The following CCSER1 variants were observed in gnomAD, a reference collection of about 807,000 sequenced individuals.
CCSER1 encodes coiled-coil serine rich protein 1.
Under a neutral mutation model 82.0 loss-of-function variants are expected in CCSER1, and 41 were observed. The ratio of observed to expected loss-of-function variants is 0.50; its 90% CI spans 0.39 to 0.65. The LOEUF is 0.65. Among genes scored for constraint, CCSER1 ranks in the 30% least tolerant of loss-of-function variants. The pLI is 0.00. For synonymous variants in CCSER1, 414 were observed against 383.9 expected (o/e 1.08, Z -0.92); for missense variants, 1,119 against 1,064.2 (o/e 1.05, Z -0.72).
intron 10 of CCSER1, among the ~76,000 whole-genome samples, chr4:91,095,082 A>T (rs115481208): frequency 0.025 from 3,813 of 152,224 alleles, 55 homozygotes; most frequent in Middle Eastern, 0.065. Flanking sequence ...GGTGGTTACT[A>T]CTGAGTGTCC....
At chr4:91,314,461 G>A (rs1745693670) in intron 10 of CCSER1, among the ~76,000 whole-genome samples, 1 of 151,920 alleles carries the variant, frequency 6.6e-6, no homozygotes, top group African/African-American at 2.4e-5. Flanking sequence ...CAGTTGATTA[G>A]AAAACCAATT....
At chr4:91,323,900 C>T (rs1029693082) in intron 10 of CCSER1, among the ~76,000 whole-genome samples, 4 of 152,170 alleles carry the variant, frequency 2.6e-5, no homozygotes, top group Admixed American at 1.3e-4. Context: ...GTTTCTGCAT[C>T]TCTGAAATAT....
chr4:90,205,851 A>G (rs1332901766), intron 1 of CCSER1, among the ~76,000 whole-genome samples: 1 of 152,096 alleles, frequency 6.6e-6, no homozygotes, highest in Non-Finnish European at 1.5e-5. Flanking sequence ...TTGGTAGGCT[A>G]TTAATTACTG....
intron 9 of CCSER1, among the ~76,000 whole-genome samples, chr4:91,032,724 G>A (rs1190128482): frequency 6.6e-6 from 1 of 152,186 alleles, no homozygotes; most frequent in African/African-American, 2.4e-5. Flanking sequence ...GTTATTAAGA[G>A]TTGTAGTTTC....
Position 91,244,427 on chromosome 4 carries a change from A to G in CCSER1, c.2217+158433A>G, listed in dbSNP as rs72877007. Among the ~76,000 whole-genome samples, 381 of 152,336 alleles carry G rather than the reference A, an allele frequency of 2.5e-3. 2 individuals carry two copies. Among genetic ancestry groups the G allele is most frequent in the African/African-American group, 8.9e-3 (372 of 41,578 alleles). ...CAGCACAGTCCCAGTAGTGGTGGTC[A>G]CAGGGGTGCTTGCATCACCACATCC... On this transcript the variant is annotated intron_variant, in intron 10 of 10. Transcript: ENST00000509176.
intron 6 of CCSER1, among the ~76,000 whole-genome samples, chr4:90,652,787 T>G (rs958587331): frequency 3.3e-5 from 5 of 152,034 alleles, no homozygotes; most frequent in African/African-American, 1.2e-4. Flanking sequence ...AATTATTTAT[T>G]GCCCTTCAAC....
intron 10 of CCSER1, among the ~76,000 whole-genome samples, chr4:91,497,137 T>G (rs982183470): frequency 2.6e-5 from 4 of 151,386 alleles, no homozygotes; most frequent in African/African-American, 9.7e-5. Flanking sequence ...GATTTCCATT[T>G]ACTCACTATT....
chr4:90,228,259 C>T (rs1032693185), intron 1 of CCSER1, among the ~76,000 whole-genome samples: 5 of 152,190 alleles, frequency 3.3e-5, no homozygotes, highest in African/African-American at 1.2e-4. Context: ...TTTCTCCCAG[C>T]ACGCAGCTGG....
intron 4 of CCSER1, among the ~76,000 whole-genome samples, chr4:90,445,289 A>G (rs910574360): frequency 6.6e-6 from 1 of 152,122 alleles, no homozygotes; most frequent in African/African-American, 2.4e-5. Context: ...GAATTTAAAT[A>G]TTAACCAGTC....
intron 8 of CCSER1, among the ~76,000 whole-genome samples, chr4:90,839,620 A>G (rs1762305400): frequency 6.6e-6 from 1 of 152,180 alleles, no homozygotes; most frequent in African/African-American, 2.4e-5. Flanking sequence ...GCAAGAAGAG[A>G]AAGCCCACAT....
intron 1 of CCSER1, among the ~76,000 whole-genome samples, chr4:90,252,035 A>T (rs902091486): frequency 6.6e-6 from 1 of 151,834 alleles, no homozygotes. Context: ...TCTTAAGGTG[A>T]AAGATAATGT....
intron 1 of CCSER1, among the ~76,000 whole-genome samples, chr4:90,155,280 C>T (rs1412623790): frequency 6.6e-6 from 1 of 152,036 alleles, no homozygotes. Flanking sequence ...ATTCAGTTTG[C>T]CAGTATTTTA....
At chr4:90,397,063 G>A (rs1301993816) in intron 3 of CCSER1, among the ~76,000 whole-genome samples, 6 of 152,110 alleles carry the variant, frequency 3.9e-5, no homozygotes, top group Admixed American at 3.3e-4. Flanking sequence ...ATATCATGTT[G>A]CTGCATCTAC....
At chr4:91,434,502 A>C (rs1217973799) in intron 10 of CCSER1, among the ~76,000 whole-genome samples, 1 of 152,176 alleles carries the variant, frequency 6.6e-6, no homozygotes, top group East Asian at 1.9e-4. Context: ...GTGTCCTCTT[A>C]GAGAAGTTTA....
At chr4:91,137,012 CTT>C (rs33996386) in intron 10 of CCSER1, among the ~76,000 whole-genome samples, 2 of 149,240 alleles carry the variant, frequency 1.3e-5, no homozygotes, top group African/African-American at 4.9e-5. Flanking sequence ...TATAAAAATT[CTT>C]TTTTTTTTTA....
chr4:91,515,332 A>AT (rs1485573942), intron 10 of CCSER1, among the ~76,000 whole-genome samples: 1 of 151,974 alleles, frequency 6.6e-6, no homozygotes, highest in African/African-American at 2.4e-5. Context: ...CCTTGTAGGT[A>AT]TTTTTTCTGA....
intron 10 of CCSER1, among the ~76,000 whole-genome samples, chr4:91,460,105 T>G (rs1756421738): frequency 6.6e-6 from 1 of 152,162 alleles, no homozygotes; most frequent in Non-Finnish European, 1.5e-5. Flanking sequence ...GACTGAGTGG[T>G]AAATATCAAG....
rs529950209 is a variant in CCSER1, at chr4:90,339,150, G to A, written c.1509+26103G>A. 5.3e-5 allele frequency among the ~76,000 whole-genome samples: 8 copies of A among 152,092 alleles called. No homozygotes were observed. In the South Asian group the frequency reaches 8.3e-4, roughly 16 times the overall value. On this transcript the variant is annotated intron_variant, in intron 3 of 10. Transcript: ENST00000509176. ...GTAAATCCAATTACCAACTTTCCCC[G>A]TTACTCATGCCAAAAAACTTGAACT...
intron 1 of CCSER1, among the ~76,000 whole-genome samples, chr4:90,254,641 A>G (rs1411883941): frequency 6.6e-6 from 1 of 152,104 alleles, no homozygotes; most frequent in African/African-American, 2.4e-5. Context: ...CTGTAGCCCT[A>G]AACTTGGGTC....
Sources: gnomAD v4.1 joint callset for allele counts (sites outside exome capture counted in the v4.1 genomes callset) on GRCh38, gnomAD v4.1.1 for gene constraint, MANE v1.5 for transcripts, NCBI Gene and HGNC (gene_info 2026-07-23, HGNC 2026-07-21) for gene names.